CPEB2: variants seen among roughly 807,000 people sequenced by gnomAD.
CPEB2 encodes the protein cytoplasmic polyadenylation element binding protein 2.
Under a neutral mutation model 93.6 loss-of-function variants are expected in CPEB2, and 56 were observed. The observed-to-expected ratio is 0.60, with a 90% CI of 0.48 to 0.75. The LOEUF (loss-of-function observed/expected upper bound fraction) is 0.75, where lower values mean the gene tolerates loss of function less well. Ranked by LOEUF, CPEB2 falls within the 30% of genes least tolerant of loss-of-function variation. The pLI is 0.00. For synonymous variants in CPEB2, 764 were observed against 586.3 expected, an observed-to-expected ratio of 1.30 and a Z score of -4.38; for missense variants, 1,579 against 1,395.1, an observed-to-expected ratio of 1.13 and a Z score of -2.10.
chr4:15,026,526 C>A (rs1176373030), intron 4 of CPEB2, among the ~76,000 whole-genome samples: 1 of 152,156 alleles, frequency 6.6e-6, no homozygotes, highest in South Asian at 2.1e-4. Context: ...CATGCCCGAA[C>A]TATTTTTTTA....
At chr4:15,061,462 A>G (rs1400416864) in intron 10 of CPEB2, among the ~76,000 whole-genome samples, 1 of 151,988 alleles carries the variant, frequency 6.6e-6, no homozygotes. Flanking sequence ...GTTCAATGCT[A>G]CTTACAGATA....
intron 6 of CPEB2, among the ~76,000 whole-genome samples, chr4:15,051,787 C>A (rs909326651): frequency 6.6e-6 from 1 of 152,298 alleles, no homozygotes; most frequent in South Asian, 2.1e-4. Flanking sequence ...GGGATTACTT[C>A]AGAGGATTGT....
chr4:15,031,085 A>G (rs1726041989), intron 4 of CPEB2, among the ~76,000 whole-genome samples: 1 of 151,970 alleles, frequency 6.6e-6, no homozygotes, highest in Non-Finnish European at 1.5e-5. Flanking sequence ...ATAGCATTCT[A>G]TACATAACTC....
intron 8 of CPEB2, 57 bp from the exon 9 acceptor site, chr4:15,058,361 GAAA>G (rs1181603857): frequency 1.5e-4 from 131 of 895,130 alleles, no homozygotes; most frequent in Non-Finnish European, 2.3e-4. Flanking sequence ...AAATAGTACT[GAAA>G]TTTGGAGTAA....
At chr4:15,025,797 C>G (rs994385465) in intron 4 of CPEB2, among the ~76,000 whole-genome samples, 1 of 23,548 alleles carries the variant, frequency 4.2e-5, no homozygotes, top group African/African-American at 1.4e-4. Flanking sequence ...GATGGCATTC[C>G]CCATGTATAC....
At chr4:15,004,375 A>G in intron 1 of CPEB2, 40 bp downstream of exon 1, 1 of 1,373,426 alleles carries the variant, frequency 7.3e-7, no homozygotes, top group Non-Finnish European at 9.4e-7. Context: ...CGGGACCGGG[A>G]GACCATGGGC....
intron 6 of CPEB2, among the ~76,000 whole-genome samples, chr4:15,047,404 CATTT>C (rs1227537928): frequency 1.3e-5 from 2 of 152,010 alleles, no homozygotes; most frequent in African/African-American, 4.8e-5. Flanking sequence ...TCTGTTTATT[CATTT>C]ATTTCATATT....
In CPEB2 at chr4:15,002,879, T is replaced by TCGG; in HGVS notation, c.215_217dup (p.Gly72dup). On this transcript the variant is annotated inframe_insertion, in exon 1 of 12. Transcript: ENST00000538197. The stretch of plus-strand genomic sequence containing the variant: ...GCCGCCTCCCCCTTCTCCGTCCCCC[T>TCGG]CGGCGGCGGCGCGGGCAGCCCGGCC... 6.6e-7 allele frequency: 1 copy of TCGG among 1,515,398 alleles called. No homozygotes were observed. 93.9% of individuals were successfully genotyped at this position (1,515,398 alleles called of 1,614,324 possible).
At chr4:15,032,756 C>T (rs775398497) in intron 4 of CPEB2, among the ~76,000 whole-genome samples, 1 of 151,890 alleles carries the variant, frequency 6.6e-6, no homozygotes, top group Non-Finnish European at 1.5e-5. Context: ...ATATGAAATT[C>T]TCTCAAGTTT....
At chr4:15,028,427 A>G (rs961477560) in intron 4 of CPEB2, among the ~76,000 whole-genome samples, 1 of 152,036 alleles carries the variant, frequency 6.6e-6, no homozygotes, top group Non-Finnish European at 1.5e-5. Context: ...CATAGTTTAC[A>G]TAGTAGAATG....
chr4:15,021,576 A>G (rs944702984), intron 4 of CPEB2, among the ~76,000 whole-genome samples: 2 of 152,182 alleles, frequency 1.3e-5, no homozygotes, highest in East Asian at 1.9e-4. Context: ...GACAAACAGA[A>G]TTACTTAATT....
At position 15,007,508 on chromosome 4, in the gene CPEB2, A is replaced by G. The variant is rs1222620853; in HGVS notation, c.1866A>G (p.Pro622=). Residue 622 remains proline (P), a synonymous_variant, in exon 2 of 12, where the codon CCA becomes CCG. Transcript: ENST00000538197. ...IAPPKFTRST[P]SLTPKSWIED... ...CACCGAAATTTACTCGCTCAACTCC[A>G]TCACTGACTCCAAAATCTTGGATTG... 3.1e-6 allele frequency: 5 copies of G among 1,614,026 alleles called. No individual in the cohort carries two copies. The East Asian group carries it at 1.1e-4, about 36-fold the overall frequency.
At chr4:15,034,756 AAAG>A (rs1276274071) in intron 5 of CPEB2, among the ~76,000 whole-genome samples, 1 of 152,190 alleles carries the variant, frequency 6.6e-6, no homozygotes, top group African/African-American at 2.4e-5. Flanking sequence ...TTTGTGGGTT[AAAG>A]AAGTCACAAC....
intron 4 of CPEB2, among the ~76,000 whole-genome samples, chr4:15,020,419 A>C (rs534548621): frequency 6.6e-6 from 1 of 152,104 alleles, no homozygotes; most frequent in African/African-American, 2.4e-5. Context: ...AAGCAGATAG[A>C]TCTCTAGAAT....
chr4:15,065,323 C>A (rs1729604365), intron 11 of CPEB2, among the ~76,000 whole-genome samples: 1 of 152,092 alleles, frequency 6.6e-6, no homozygotes, highest in Non-Finnish European at 1.5e-5. Context: ...TCTGTTGTCT[C>A]CTAAGGAACG....
intron 1 of CPEB2, among the ~76,000 whole-genome samples, chr4:15,005,947 G>T (rs1722756871): frequency 6.6e-6 from 1 of 152,160 alleles, no homozygotes; most frequent in African/African-American, 2.4e-5. Context: ...TTTACTTAAA[G>T]TTGTGGTACA....
chr4:15,011,302 T>C (rs1383082106), intron 3 of CPEB2, among the ~76,000 whole-genome samples: 1 of 151,994 alleles, frequency 6.6e-6, no homozygotes, highest in Admixed American at 6.5e-5. Flanking sequence ...GGTTTCACCA[T>C]GTTGGCCAGG....
intron 11 of CPEB2, among the ~76,000 whole-genome samples, chr4:15,065,479 C>T (rs1259980075): frequency 6.6e-6 from 1 of 152,066 alleles, no homozygotes; most frequent in African/African-American, 2.4e-5. Context: ...ATGTGCCGAG[C>T]ACTGTCTTAT....
At chr4:15,028,227 A>G (rs1725687176) in intron 4 of CPEB2, among the ~76,000 whole-genome samples, 1 of 152,106 alleles carries the variant, frequency 6.6e-6, no homozygotes, top group Non-Finnish European at 1.5e-5. Context: ...GGAAAAATTT[A>G]TCTTGGCAAA....
Sources: gnomAD v4.1 joint callset for allele counts (sites outside exome capture counted in the v4.1 genomes callset) on GRCh38, gnomAD v4.1.1 for gene constraint, MANE v1.5 for transcripts, NCBI Gene and HGNC (gene_info 2026-07-23, HGNC 2026-07-21) for gene names.